Variants in ICA1L observed in about 807,000 individuals in gnomAD.
The protein encoded by ICA1L is islet cell autoantigen 1-like protein.
ICA1L carries 50 observed loss-of-function variants against 61.3 expected under a neutral mutation model. The observed-to-expected ratio is 0.82, with a 90% confidence interval of 0.65 to 1.03. The LOEUF is 1.03. Among genes scored for constraint, ICA1L ranks in the 50% least tolerant of loss-of-function variants. The probability of loss-of-function intolerance (pLI) is 0.00; values close to 1 mark genes in which losing one functional copy is unlikely to be tolerated. For synonymous variants in ICA1L, 161 were observed against 191.3 expected, an observed-to-expected ratio of 0.84 and a Z score of 1.31; for missense variants, 508 against 556.7, an observed-to-expected ratio of 0.91 and a Z score of 0.88.
rs115801626 is a variant in ICA1L, at chr2:202,784,008, C to T, written c.1333+1910G>A. 6.1e-3 allele frequency among the ~76,000 whole-genome samples: 936 copies of T among 152,216 alleles called. 11 individuals are homozygous for T. Among genetic ancestry groups the T allele is most frequent in the Admixed American group, 0.012 (180 of 15,284 alleles). ...AGTATTTTTTATTAACTTCTGTAGT[C>T]TTTCTATAAGTCTGAAATTATTTCA... On this transcript the variant is annotated intron_variant, in intron 12 of 12. Coordinates refer to ENST00000358299, the MANE Select transcript of ICA1L (RefSeq NM_001288622.3).
chr2:202,855,863 C>G (rs1694752191), intron 1 of ICA1L, among the ~76,000 whole-genome samples: 1 of 152,076 alleles, frequency 6.6e-6, no homozygotes, highest in African/African-American at 2.4e-5. Flanking sequence ...ATCACAAGGT[C>G]AGGAGTTCAA....
intron 2 of ICA1L, among the ~76,000 whole-genome samples, chr2:202,826,034 G>C (rs571692758): frequency 6.6e-6 from 1 of 152,208 alleles, no homozygotes; most frequent in South Asian, 2.1e-4. Context: ...CTCAGCTCCT[G>C]TCCTCATCTC....
intron 9 of ICA1L, among the ~76,000 whole-genome samples, chr2:202,809,328 T>C (rs970733623): frequency 6.6e-6 from 1 of 151,636 alleles, no homozygotes; most frequent in Non-Finnish European, 1.5e-5. Flanking sequence ...AGACCGGTTA[T>C]CTGAAAATGC....
chr2:202,826,748 A>ATTTT, intron 2 of ICA1L, among the ~76,000 whole-genome samples: 1 of 141,496 alleles, frequency 7.1e-6, no homozygotes, highest in South Asian at 2.3e-4. Context: ...GGGATTACAG[A>ATTTT]TTTTTTTTTT....
At chr2:202,833,977 T>C (rs1694080189) in intron 1 of ICA1L, among the ~76,000 whole-genome samples, 1 of 152,184 alleles carries the variant, frequency 6.6e-6, no homozygotes, top group Non-Finnish European at 1.5e-5. Context: ...GAGGAGTAAG[T>C]TCTATTGTAC....
intron 9 of ICA1L, among the ~76,000 whole-genome samples, 168 bp from the exon 10 acceptor site, chr2:202,797,132 TTGTGTGTG>T (rs58006631): frequency 0.062 from 9,169 of 147,784 alleles, 503 homozygotes; most frequent in African/African-American, 0.14. Flanking sequence ...AAAATCACAT[TTGTGTGTG>T]TGTGTGTGTG....
At chr2:202,862,921 T>C (rs920060145) in intron 1 of ICA1L, among the ~76,000 whole-genome samples, 2 of 151,540 alleles carry the variant, frequency 1.3e-5, no homozygotes, top group Admixed American at 6.6e-5. Flanking sequence ...AACTGAATGA[T>C]AATAAAAACA....
Position 202,777,889 on chromosome 2 carries a change from T to C in ICA1L, c.*1644A>G, listed in dbSNP as rs1453259384. On this transcript the variant is annotated 3_prime_UTR_variant, in exon 13 of 13. Coordinates refer to ENST00000358299, the MANE Select transcript of ICA1L (RefSeq NM_001288622.3). ...TAGTTAAAATGTCTTTTTTTTTTTT[T>C]TTTTTTTTTGAGACGGAGTCTTGCT... is the stretch of plus-strand genomic sequence containing the variant. The C allele has an allele frequency of 2.7e-5, 4 of 149,524 alleles. No individual in the cohort carries two copies. Among genetic ancestry groups the C allele is most frequent in the Admixed American group, 1.3e-4 (2 of 14,998 alleles). The allele number at this position is 149,524 out of a possible 1,614,324, so 9.3% of individuals were successfully genotyped here.
intron 1 of ICA1L, among the ~76,000 whole-genome samples, chr2:202,840,070 TTAA>T (rs1277102711): frequency 6.9e-6 from 1 of 144,734 alleles, no homozygotes; most frequent in Non-Finnish European, 1.5e-5. Flanking sequence ...TTTTTAATTT[TTAA>T]TTTTTTTTTT....
chr2:202,841,484 T>C, intron 1 of ICA1L: 1 of 800,302 alleles, frequency 1.2e-6, no homozygotes. Context: ...GCAAATTTGT[T>C]GTTGAGGGTC....
chr2:202,804,576 A>T (rs1447245187), intron 9 of ICA1L, among the ~76,000 whole-genome samples: 1 of 152,228 alleles, frequency 6.6e-6, no homozygotes, highest in Non-Finnish European at 1.5e-5. Context: ...AATCCAATTT[A>T]ACAGTGGAAG....
chr2:202,814,747 T>A lies in ICA1L; in HGVS notation c.821A>T (p.Asn274Ile). The stretch of plus-strand genomic sequence containing the variant: ...AAAACCGCCTATTTGTTCATCTTTA[T>A]TGTCTTCACTAATCTTGCTTGGCGT... ...QDTPSKISED[N>I]KDEQIGGFLT... The change falls in exon 8 of 13, where the codon AAT (asparagine) becomes ATT (isoleucine). Residue 274 changes from asparagine (N) to isoleucine (I), a missense_variant. Physicochemically the swap from Asn to Ile is moderately radical, Grantham distance 149 (BLOSUM62 -3). Transcript: ENST00000358299. 6.2e-7 allele frequency: 1 copy of A among 1,613,946 alleles called. No individual in the cohort carries two copies. The highest frequency in any genetic ancestry group is 1.1e-5 in the South Asian group (1 of 91,032).
At position 202,774,468 on chromosome 2, in the gene ICA1L, ATGTTTTTTGTATG is replaced by A; in HGVS notation, c.*5052_*5064del. 4.0e-6 allele frequency: 2 copies of A among 498,020 alleles called. No individual in the cohort carries two copies. Among genetic ancestry groups the A allele is most frequent in the South Asian group, 6.7e-5 (2 of 29,836 alleles). The allele number at this position is 498,020 out of a possible 1,614,324, so 30.9% of individuals were successfully genotyped here. Reference sequence around the variant, plus strand: ...AGCTCAAGAAACAACTTTTTCTTTCATGTTTTTTGTATGTGTTTTTTTAGGTTATGGTCAGTGA... The same window carrying A: ...AGCTCAAGAAACAACTTTTTCTTTCATGTTTTTTTAGGTTATGGTCAGTGA... On this transcript the variant is annotated 3_prime_UTR_variant, in exon 13 of 13. Transcript: ENST00000358299.
chr2:202,815,453 A>G (rs1053199524), intron 7 of ICA1L, among the ~76,000 whole-genome samples: 1 of 152,200 alleles, frequency 6.6e-6, no homozygotes, highest in Non-Finnish European at 1.5e-5. Flanking sequence ...CATATCCATG[A>G]CATCAGTGTA....
At position 202,775,051 on chromosome 2, in the gene ICA1L, G is replaced by A. The variant is rs1692180167; in HGVS notation, c.*4482C>T. 6.6e-6 allele frequency: 1 copy of A among 152,160 alleles called. No individual in the cohort carries two copies. Among genetic ancestry groups the A allele is most frequent in the African/African-American group, 2.4e-5 (1 of 41,444 alleles). 9.4% of individuals were successfully genotyped at this position (152,160 alleles called of 1,614,324 possible). A position where few individuals can be genotyped will look rare whatever the true frequency, so the allele number is the denominator to read the frequency against. ...TAGTCTTTTAAATGGTACAGAAAAA[G>A]ATGGAAAAATAGCTTATGTTGGGCT... On this transcript the variant is annotated 3_prime_UTR_variant, in exon 13 of 13. Transcript: ENST00000358299.
intron 1 of ICA1L, among the ~76,000 whole-genome samples, chr2:202,858,762 T>C (rs1694831118): frequency 6.6e-6 from 1 of 152,210 alleles, no homozygotes; most frequent in African/African-American, 2.4e-5. Flanking sequence ...ATAAATACCA[T>C]TGTGTTACAG....
At chr2:202,861,046 G>A (rs1285518957) in intron 1 of ICA1L, among the ~76,000 whole-genome samples, 2 of 151,540 alleles carry the variant, frequency 1.3e-5, no homozygotes, top group African/African-American at 2.4e-5. Flanking sequence ...CCTGACCAAC[G>A]TGGTGAAACT....
intron 1 of ICA1L, among the ~76,000 whole-genome samples, chr2:202,864,245 CAA>C (rs1687396327): frequency 6.6e-6 from 1 of 151,542 alleles, no homozygotes; most frequent in Admixed American, 6.6e-5. Context: ...TATTACAGAT[CAA>C]TTTTTTTTTT....
chr2:202,866,702 C>A (rs184671045), intron 1 of ICA1L, among the ~76,000 whole-genome samples: 2 of 152,306 alleles, frequency 1.3e-5, no homozygotes, highest in South Asian at 2.1e-4. Flanking sequence ...AATCCCAGCA[C>A]TTCGGGAAGC....
Sources: allele counts gnomAD v4.1 joint callset (sites outside exome capture counted in the v4.1 genomes callset), GRCh38; gene constraint gnomAD v4.1.1; transcripts MANE v1.5; gene names NCBI Gene and HGNC (gene_info 2026-07-23, HGNC 2026-07-21).